Variants in HERC4 observed in about 807,000 individuals in gnomAD.
HERC4 encodes probable E3 ubiquitin-protein ligase HERC4.
In HERC4, 28 loss-of-function variants were observed where a neutral mutation model predicts 124.3. That is an observed-to-expected ratio of 0.23 (90% CI 0.17 to 0.31). The LOEUF is 0.31. Among genes scored for constraint, HERC4 ranks in the 10% least tolerant of loss-of-function variants. The probability of loss-of-function intolerance (pLI) is 1.00; values close to 1 mark genes in which losing one functional copy is unlikely to be tolerated. For missense variants in HERC4, 713 were observed against 1,229.3 expected (o/e 0.58, Z 6.28); for synonymous variants, 407 against 421.5 (o/e 0.97, Z 0.42).
intron 19 of HERC4, among the ~76,000 whole-genome samples, chr10:67,947,425 T>G (rs913477099): frequency 7.2e-5 from 11 of 152,198 alleles, no homozygotes; most frequent in Non-Finnish European, 1.6e-4. Context: ...CAAATAGTTA[T>G]GAACCTAACA....
intron 9 of HERC4, among the ~76,000 whole-genome samples, chr10:68,008,602 T>G (rs2037734057): frequency 6.6e-6 from 1 of 152,144 alleles, no homozygotes; most frequent in Non-Finnish European, 1.5e-5. Flanking sequence ...GGTCAAAATT[T>G]TTAAATATTT....
intron 24 of HERC4, among the ~76,000 whole-genome samples, chr10:67,924,418 A>G (rs2030631539): frequency 1.3e-5 from 2 of 152,194 alleles, no homozygotes; most frequent in East Asian, 3.8e-4. Flanking sequence ...AGGCTACATG[A>G]TATAGCCCTA....
chr10:68,010,859 G>A (rs2037908274), intron 9 of HERC4: 2 of 1,521,086 alleles, frequency 1.3e-6, no homozygotes, highest in Non-Finnish European at 1.8e-6. Context: ...TTTCTGCAGA[G>A]CTTTGAGATG....
intron 15 of HERC4, among the ~76,000 whole-genome samples, chr10:67,971,390 A>ATAT (rs2035224958): frequency 6.6e-6 from 1 of 152,132 alleles, no homozygotes; most frequent in Non-Finnish European, 1.5e-5. Context: ...CATCAATAAA[A>ATAT]TATTAGCAAA....
At chr10:67,991,854 G>T (rs1490579018) in intron 11 of HERC4, among the ~76,000 whole-genome samples, 3 of 152,054 alleles carry the variant, frequency 2.0e-5, no homozygotes, top group African/African-American at 7.2e-5. Flanking sequence ...GCACATGAAA[G>T]AACTACAACT....
chr10:67,932,082 T>A (rs2031875424), intron 23 of HERC4, among the ~76,000 whole-genome samples: 1 of 151,898 alleles, frequency 6.6e-6, no homozygotes, highest in South Asian at 2.1e-4. Flanking sequence ...CTCAGCCTCC[T>A]GAGTAGCTGG....
intron 24 of HERC4, 86 bp downstream of exon 24, chr10:67,924,999 T>C: frequency 5.6e-6 from 4 of 717,008 alleles, no homozygotes; most frequent in Non-Finnish European, 9.3e-6. Context: ...TCAAAAAAAT[T>C]ACTTGAAGAT....
chr10:67,973,625 G>A (rs552830794), intron 15 of HERC4, among the ~76,000 whole-genome samples: 39 of 152,276 alleles, frequency 2.6e-4, no homozygotes, highest in Admixed American at 1.0e-3. Flanking sequence ...GCTGGCAATA[G>A]GATTAGGATA....
At chr10:67,939,094 A>G (rs2032651153) in intron 21 of HERC4, among the ~76,000 whole-genome samples, 1 of 152,234 alleles carries the variant, frequency 6.6e-6, no homozygotes, top group African/African-American at 2.4e-5. Context: ...TGAATAAGAC[A>G]AGATGGGCAA....
chr10:68,048,901 A>C (rs1434200418), intron 3 of HERC4, among the ~76,000 whole-genome samples: 2 of 152,234 alleles, frequency 1.3e-5, no homozygotes, highest in African/African-American at 4.8e-5. Context: ...ATAAAAATCA[A>C]AAAGTTTGAT....
At chr10:68,071,016 TC>T (rs2133869301) in intron 3 of HERC4, among the ~76,000 whole-genome samples, 1 of 152,332 alleles carries the variant, frequency 6.6e-6, no homozygotes, top group South Asian at 2.1e-4. Flanking sequence ...ATACCTTAAC[TC>T]CCAACCCAGA....
chr10:68,006,271 T>C (rs967103265), intron 9 of HERC4, among the ~76,000 whole-genome samples: 16 of 152,192 alleles, frequency 1.1e-4, no homozygotes, highest in Non-Finnish European at 2.9e-5. Flanking sequence ...TTTGTTATTG[T>C]TCATTAATGT....
intron 17 of HERC4, chr10:67,956,182 G>T (rs1239695499): frequency 6.6e-6 from 1 of 151,958 alleles, no homozygotes; most frequent in Non-Finnish European, 1.5e-5. Context: ...TCCTTAGTTG[G>T]TATAGTCAGA....
rs1425716798 is a variant in HERC4, at chr10:68,013,157, T to C, written c.1069+869A>G. 5.3e-5 allele frequency among the ~76,000 whole-genome samples: 8 copies of C among 152,364 alleles called. No homozygotes were observed. The East Asian group carries it at 1.5e-3, about 29-fold the overall frequency. ...TGTGCTCATCTCTGTGTCAGCATTATTAAGCAATAAAGCATATTTATAAAC... is the reference window on the plus strand; with the variant it reads ...TGTGCTCATCTCTGTGTCAGCATTACTAAGCAATAAAGCATATTTATAAAC... On this transcript the variant is annotated intron_variant, in intron 9 of 24. Transcript: ENST00000373700.
chr10:67,986,702 G>A (rs1380999121), intron 15 of HERC4, among the ~76,000 whole-genome samples: 1 of 151,986 alleles, frequency 6.6e-6, no homozygotes, highest in Non-Finnish European at 1.5e-5. Flanking sequence ...AAACTATCAG[G>A]GCTGGTATTT....
At chr10:67,985,080 T>C (rs1187029091) in intron 15 of HERC4, among the ~76,000 whole-genome samples, 1 of 152,226 alleles carries the variant, frequency 6.6e-6, no homozygotes, top group African/African-American at 2.4e-5. Context: ...ATTCGCATAG[T>C]AGATAAGGTT....
chr10:67,982,996 C>T (rs1475303258), intron 15 of HERC4, among the ~76,000 whole-genome samples: 2 of 147,878 alleles, frequency 1.4e-5, no homozygotes, highest in African/African-American at 2.5e-5. Context: ...GGCATGGTGG[C>T]GTGGGCCTGT....
chr10:68,047,917 T>C (rs1481104065), intron 3 of HERC4, among the ~76,000 whole-genome samples: 3 of 151,246 alleles, frequency 2.0e-5, no homozygotes, highest in African/African-American at 7.3e-5. Flanking sequence ...TGCACATGAA[T>C]GTTTTGTTTT....
rs527424514 is a variant in HERC4 at position 67,938,390 on chromosome 10, G to A, written c.2571+1198C>T. Among the ~76,000 whole-genome samples, 4 of 149,778 alleles carry A rather than the reference G, an allele frequency of 2.7e-5. No individual in the cohort carries two copies. The South Asian group carries it at 6.4e-4, about 24-fold the overall frequency. On this transcript the variant is annotated intron_variant, in intron 21 of 24. Coordinates refer to ENST00000373700, the MANE Select transcript of HERC4 (RefSeq NM_015601.4). ...TGGGAGGCGGAGGTTGCAATGAGCCGAGATTGCACAACTGCACTCCAGACT... is the reference window on the plus strand; with the variant it reads ...TGGGAGGCGGAGGTTGCAATGAGCCAAGATTGCACAACTGCACTCCAGACT...
Sources: allele counts gnomAD v4.1 joint callset (sites outside exome capture counted in the v4.1 genomes callset), GRCh38; gene constraint gnomAD v4.1.1; transcripts MANE v1.5; gene names NCBI Gene and HGNC (gene_info 2026-07-23, HGNC 2026-07-21).